The following WIPF2 variants were observed in gnomAD, a reference collection of about 807,000 sequenced individuals.
WIPF2 encodes the protein WAS/WASL interacting protein family member 2.
A neutral mutation model predicts 38.8 loss-of-function variants in WIPF2; 23 were observed. The ratio of observed to expected loss-of-function variants is 0.59; its 90% CI spans 0.43 to 0.84. The LOEUF is 0.84. Ranked by LOEUF, WIPF2 falls within the 40% of genes least tolerant of loss-of-function variation. WIPF2 has a pLI of 0.00. For missense variants in WIPF2, 574 were observed against 580.5 expected (o/e 0.99, Z 0.11); for synonymous variants, 210 against 223.2 (o/e 0.94, Z 0.53).
rs770997956 is a variant in WIPF2 at position 40,262,402 on chromosome 17, G to A, written c.197-123G>A. 2.6e-4 allele frequency: 184 copies of A among 718,814 alleles called. 1 individual carries two copies. Among genetic ancestry groups the A allele is most frequent in the Non-Finnish European group, 4.0e-4 (173 of 432,768 alleles). The allele number at this position is 718,814 out of a possible 1,614,324, so 44.5% of individuals were successfully genotyped here. ...CAGGCCTGCTTTTTTAAATAGAAGG[G>A]CAAAAACAAGACTGGTTTGTTTGCA... On this transcript the variant is annotated intron_variant, in intron 3 of 7. Transcript: ENST00000323571.
At chr17:40,272,323 TATGA>T (rs1210810386) in intron 5 of WIPF2, among the ~76,000 whole-genome samples, 2 of 152,268 alleles carry the variant, frequency 1.3e-5, no homozygotes, top group Admixed American at 1.3e-4. Flanking sequence ...CTGGCATAGG[TATGA>T]ATATTTTCAT....
rs779078688 is a variant in WIPF2, at chr17:40,273,988, G to A, written c.1169G>A (p.Arg390Gln). The A allele has an allele frequency of 4.5e-6, 7 of 1,546,520 alleles. No homozygotes were observed. The highest frequency in any genetic ancestry group is 2.0e-5 in the Admixed American group (1 of 50,046). The change falls in exon 6 of 8, where the codon CGG (arginine) becomes CAG (glutamine). Residue 390 changes from arginine (R) to glutamine (Q), a missense_variant. By Grantham distance (43) the Arg-to-Gln change is conservative. Transcript: ENST00000323571. ...CACAGAGATTCTATCACCACTGTCC[G>A]GTCTTTCTTGGGTGAGTAGCTAGCT... ...NGHRDSITTVRSFLDDFESKY... is the reference protein window; with the variant it reads ...NGHRDSITTVQSFLDDFESKY...
chr17:40,266,261 G>A (rs1198878838), intron 5 of WIPF2, among the ~76,000 whole-genome samples: 2 of 149,564 alleles, frequency 1.3e-5, no homozygotes, highest in African/African-American at 4.9e-5. Context: ...AAAAAAATGA[G>A]GGCTGAGCCC....
intron 6 of WIPF2, 111 bp from the exon 7 acceptor site, chr17:40,276,972 C>A (rs1360096759): frequency 5.0e-5 from 47 of 939,350 alleles, no homozygotes; most frequent in Non-Finnish European, 7.0e-5. Context: ...TAGGTCCTCA[C>A]AGTACCTCAG....
chr17:40,251,353 T>A lies in WIPF2; in HGVS notation c.-69-5038T>A, dbSNP rs575511349. Among the ~76,000 whole-genome samples, 504 of 151,948 alleles carry A rather than the reference T, an allele frequency of 3.3e-3. 3 individuals are homozygous for A. Among genetic ancestry groups the A allele is most frequent in the Middle Eastern group, 6.8e-3 (2 of 294 alleles). On this transcript the variant is annotated intron_variant, in intron 1 of 7. Transcript: ENST00000323571. ...GTTTTGGTTCATTTTTTTTTTTTTT[T>A]AACTCAAAGTAGTTCTCAAAGCAGA... is the stretch of plus-strand genomic sequence containing the variant.
At chr17:40,256,209 A>G (rs530148299) in intron 1 of WIPF2, among the ~76,000 whole-genome samples, 182 bp from the exon 2 acceptor site, 1 of 152,242 alleles carries the variant, frequency 6.6e-6, no homozygotes, top group South Asian at 2.1e-4. Context: ...ATAAGTCATT[A>G]GGAAATTGCA....
At chr17:40,271,696 A>C (rs2032252305) in intron 5 of WIPF2, among the ~76,000 whole-genome samples, 1 of 152,190 alleles carries the variant, frequency 6.6e-6, no homozygotes, top group Non-Finnish European at 1.5e-5. Context: ...AAATAACCTG[A>C]GTCCCAGTTT....
At chr17:40,275,312 T>G (rs2032365708) in intron 6 of WIPF2, among the ~76,000 whole-genome samples, 1 of 151,654 alleles carries the variant, frequency 6.6e-6, no homozygotes, top group Non-Finnish European at 1.5e-5. Flanking sequence ...ACTAGCAGTG[T>G]TATTTTGAGG....
intron 1 of WIPF2, among the ~76,000 whole-genome samples, chr17:40,234,069 A>C (rs1352522902): frequency 6.6e-6 from 1 of 151,362 alleles, no homozygotes; most frequent in East Asian, 2.0e-4. Context: ...ATCTCAAAAA[A>C]TAATAATAAA....
Position 40,279,003 on chromosome 17 carries a change from C to T in WIPF2, c.*778C>T, listed in dbSNP as rs2032488553. ...CACCCCACTGCTTCAGGGTGCTAGG[C>T]TGAGGGATGTTTTTCCTCCCCCTTA... On this transcript the variant is annotated 3_prime_UTR_variant, in exon 8 of 8. Transcript: ENST00000323571. The T allele has an allele frequency of 6.6e-6, 1 of 152,208 alleles. No homozygotes were observed. Among genetic ancestry groups the T allele is most frequent in the Non-Finnish European group, 1.5e-5 (1 of 68,056 alleles). The allele number at this position is 152,208 out of a possible 1,614,324, so 9.4% of individuals were successfully genotyped here. A position where few individuals can be genotyped will look rare whatever the true frequency, so the allele number is the denominator to read the frequency against.
chr17:40,274,101 T>A, intron 6 of WIPF2, 102 bp downstream of exon 6: 1 of 947,006 alleles, frequency 1.1e-6, no homozygotes, highest in Non-Finnish European at 1.6e-6. Flanking sequence ...AATGGCCACA[T>A]GGGATCCTTT....
intron 1 of WIPF2, among the ~76,000 whole-genome samples, chr17:40,237,241 CT>C (rs533124301): frequency 2.2e-3 from 284 of 129,438 alleles, no homozygotes; most frequent in Non-Finnish European, 2.2e-3. Flanking sequence ...TCAATTTTTC[CT>C]TTTTTTTTTT....
At chr17:40,264,353 A>AT in intron 4 of WIPF2, 137 bp from the exon 5 acceptor site, 2 of 588,394 alleles carry the variant, frequency 3.4e-6, no homozygotes, top group African/African-American at 1.9e-5. Context: ...AAAAAAAAAA[A>AT]GAAAAACAAA....
intron 1 of WIPF2, among the ~76,000 whole-genome samples, chr17:40,223,832 G>T (rs893831235): frequency 6.6e-6 from 1 of 151,978 alleles, no homozygotes; most frequent in African/African-American, 2.4e-5. Context: ...TGATCTGCCA[G>T]TCTCGGCCTC....
At chr17:40,248,420 C>T (rs1172150622) in intron 1 of WIPF2, among the ~76,000 whole-genome samples, 2 of 151,938 alleles carry the variant, frequency 1.3e-5, no homozygotes, top group African/African-American at 2.4e-5. Flanking sequence ...CCGTCCGCCT[C>T]GGCCTCCCAA....
At chr17:40,269,969 G>A (rs1265285299) in intron 5 of WIPF2, among the ~76,000 whole-genome samples, 1 of 151,934 alleles carries the variant, frequency 6.6e-6, no homozygotes, top group Middle Eastern at 3.2e-3. Context: ...CAAAATTAGG[G>A]TTAATCTTGG....
In WIPF2 at chr17:40,283,832, C is replaced by G. The variant is rs1320260791; in HGVS notation, c.*5607C>G. The G allele has an allele frequency of 6.6e-6, 1 of 152,124 alleles. No individual in the cohort carries two copies. The highest frequency in any genetic ancestry group is 1.5e-5 in the Non-Finnish European group (1 of 68,028). 9.4% of individuals were successfully genotyped at this position (152,124 alleles called of 1,614,324 possible). On this transcript the variant is annotated 3_prime_UTR_variant, in exon 8 of 8. Transcript: ENST00000323571. ...TTGACTTTAGGTGTAAAAATTCAAC[C>G]AGACATTCTCTCCTTACTGTGGTCA... is the stretch of plus-strand genomic sequence containing the variant.
At chr17:40,231,423 AC>A (rs985050282) in intron 1 of WIPF2, among the ~76,000 whole-genome samples, 1 of 132,576 alleles carries the variant, frequency 7.5e-6, no homozygotes, top group Non-Finnish European at 1.6e-5. Context: ...GTGCTTTTCT[AC>A]CTTTTTTTTT....
intron 1 of WIPF2, among the ~76,000 whole-genome samples, chr17:40,239,899 C>T (rs1375413324): frequency 6.6e-6 from 1 of 151,674 alleles, no homozygotes; most frequent in Non-Finnish European, 1.5e-5. Context: ...GTTTTACCAT[C>T]TTGGCCAGGC....
Sources: gnomAD v4.1 joint callset for allele counts (sites outside exome capture counted in the v4.1 genomes callset) on GRCh38, gnomAD v4.1.1 for gene constraint, MANE v1.5 for transcripts, NCBI Gene and HGNC (gene_info 2026-07-23, HGNC 2026-07-21) for gene names.